The following IGF2BP3 variants were observed in gnomAD, a reference collection of about 807,000 sequenced individuals.
IGF2BP3 encodes insulin like growth factor 2 mRNA binding protein 3, also known as insulin-like growth factor 2 mRNA-binding protein 3.
In IGF2BP3, 9 loss-of-function variants were observed where a neutral mutation model predicts 73.8. The ratio of observed to expected loss-of-function variants is 0.12; its 90% CI spans 0.07 to 0.21. The LOEUF is 0.21. Among genes scored for constraint, IGF2BP3 ranks in the 10% least tolerant of loss-of-function variants. The probability of loss-of-function intolerance (pLI) is 1.00; values close to 1 mark genes in which losing one functional copy is unlikely to be tolerated. For synonymous variants in IGF2BP3, 258 were observed against 256.7 expected, an observed-to-expected ratio of 1.01 and a Z score of -0.05; for missense variants, 542 against 714.0, an observed-to-expected ratio of 0.76 and a Z score of 2.75.
At chr7:23,391,613 T>G (rs1338024499) in intron 3 of IGF2BP3, among the ~76,000 whole-genome samples, 1 of 152,208 alleles carries the variant, frequency 6.6e-6, no homozygotes, top group Non-Finnish European at 1.5e-5. Context: ...CTGGGACTTA[T>G]ATTACAATGA....
At position 23,361,565 on chromosome 7, in the gene IGF2BP3, C is replaced by T. The variant is rs1785229856; in HGVS notation, c.370G>A (p.Val124Ile). The change falls in exon 5 of 15, where the codon GTA (valine) becomes ATA (isoleucine). Residue 124 changes from valine (V) to isoleucine (I), a missense_variant. Transcript: ENST00000258729. ...NTDSETAVVN[V>I]TYSSKDQARQ... is the part of the protein sequence containing the mutation. ...GCTTGGTCCTTACTGGAATAGGTTA[C>T]ATTTACAACTGCAGTTTCCGAGTCA... 7 of 1,613,072 alleles carry T rather than the reference C, an allele frequency of 4.3e-6. No homozygotes were observed. The highest frequency in any genetic ancestry group is 1.8e-4 in the Middle Eastern group (1 of 5,458).
intron 3 of IGF2BP3, among the ~76,000 whole-genome samples, chr7:23,411,030 G>A (rs1217312234): frequency 6.6e-6 from 1 of 152,192 alleles, no homozygotes; most frequent in East Asian, 1.9e-4. Flanking sequence ...CGAGTGGCCT[G>A]CTCAAAGTCA....
At chr7:23,349,790 C>T (rs1784915961) in intron 6 of IGF2BP3, among the ~76,000 whole-genome samples, 1 of 152,180 alleles carries the variant, frequency 6.6e-6, no homozygotes, top group Non-Finnish European at 1.5e-5. Flanking sequence ...CAATTTAAGT[C>T]ACAGCTCTTT....
intron 10 of IGF2BP3, among the ~76,000 whole-genome samples, chr7:23,329,506 T>G (rs994120864): frequency 4.6e-5 from 7 of 152,238 alleles, no homozygotes; most frequent in Non-Finnish European, 1.0e-4. Context: ...GGCCTGAACA[T>G]TTAAAATTGG....
chr7:23,343,930 A>G, intron 8 of IGF2BP3, 77 bp from the exon 9 acceptor site: 3 of 1,442,360 alleles, frequency 2.1e-6, no homozygotes, highest in Non-Finnish European at 2.8e-6. Flanking sequence ...CACAGACGGC[A>G]ATTAAAAACA....
chr7:23,323,419 G>C (rs1384625676), intron 10 of IGF2BP3, among the ~76,000 whole-genome samples: 1 of 144,958 alleles, frequency 6.9e-6, no homozygotes, highest in Non-Finnish European at 1.5e-5. Context: ...GATTCATAAA[G>C]CAAGTCCTGA....
intron 10 of IGF2BP3, among the ~76,000 whole-genome samples, chr7:23,326,683 A>G (rs1784305790): frequency 6.9e-6 from 1 of 145,250 alleles, no homozygotes; most frequent in South Asian, 2.3e-4. Flanking sequence ...TCCAACAATG[A>G]TAGACTGGAT....
chr7:23,466,419 T>C (rs1788568228), intron 2 of IGF2BP3, among the ~76,000 whole-genome samples: 1 of 152,246 alleles, frequency 6.6e-6, no homozygotes, highest in South Asian at 2.1e-4. Flanking sequence ...GTTTACTTTG[T>C]TAGTAAGATA....
chr7:23,462,364 CTT>C (rs60416705), intron 2 of IGF2BP3, among the ~76,000 whole-genome samples: 76 of 143,194 alleles, frequency 5.3e-4, no homozygotes, highest in Admixed American at 9.1e-4. Flanking sequence ...AAGAATATTT[CTT>C]TTTTTTTTTT....
chr7:23,362,269 AAG>A (rs1335502498), intron 3 of IGF2BP3, among the ~76,000 whole-genome samples: 1 of 150,338 alleles, frequency 6.7e-6, no homozygotes, highest in Non-Finnish European at 1.5e-5. Flanking sequence ...GTAAAATAAA[AAG>A]AGAAAAAAAA....
At chr7:23,394,095 T>C (rs1786372119) in intron 3 of IGF2BP3, among the ~76,000 whole-genome samples, 1 of 152,118 alleles carries the variant, frequency 6.6e-6, no homozygotes, top group Admixed American at 6.5e-5. Context: ...GTGTTATAGG[T>C]TTCTAAAGGT....
intron 9 of IGF2BP3, among the ~76,000 whole-genome samples, chr7:23,342,407 G>C (rs978377959): frequency 1.3e-5 from 2 of 152,052 alleles, no homozygotes; most frequent in Admixed American, 1.3e-4. Context: ...CCCCCTCCTT[G>C]GTCCACAGCT....
chr7:23,351,464 C>G lies in IGF2BP3; in HGVS notation c.524G>C (p.Gly175Ala), dbSNP rs1254861488. 12 of 1,613,604 alleles carry G rather than the reference C, an allele frequency of 7.4e-6. No individual in the cohort carries two copies. The highest frequency in any genetic ancestry group is 1.0e-5 in the Non-Finnish European group (12 of 1,179,850). Residue 175 changes from glycine (G) to alanine (A), a missense_variant, in exon 6 of 15, where the codon GGG becomes GCG. By Grantham distance (60) the Gly-to-Ala change is moderately conservative. Around this residue, in one of 2 missense-constraint regions of IGF2BP3, gnomAD observed 239 missense variants for 241.9 expected, o/e 0.99. Coordinates refer to ENST00000258729, the MANE Select transcript of IGF2BP3 (RefSeq NM_006547.3). ...CCCCTGCCTTGAGGAGCCCCTCTGC[C>G]CAAGCCCCCGGCGACCTCGGGGCTG... is the stretch of plus-strand genomic sequence containing the variant. ...LQQPRGRRGL[G>A]QRGSSRQGSP...
rs982316872 is a variant in IGF2BP3 at position 23,310,304 on chromosome 7, T to C, written c.*2058A>G. ...TTATACATGAGGAATGATCCATATATGGTGAGTACAAAACTCAATTATAGA... is the reference window on the plus strand; with the variant it reads ...TTATACATGAGGAATGATCCATATACGGTGAGTACAAAACTCAATTATAGA... On this transcript the variant is annotated 3_prime_UTR_variant, in exon 15 of 15. Coordinates refer to ENST00000258729, the MANE Select transcript of IGF2BP3 (RefSeq NM_006547.3). The C allele has an allele frequency of 1.3e-5, 2 of 152,232 alleles. No homozygotes were observed. Among genetic ancestry groups the C allele is most frequent in the Non-Finnish European group, 2.9e-5 (2 of 68,036 alleles). 9.4% of individuals were successfully genotyped at this position (152,232 alleles called of 1,614,324 possible). A position where few individuals can be genotyped will look rare whatever the true frequency, so the allele number is the denominator to read the frequency against.
At chr7:23,438,521 A>G (rs1164694554) in intron 2 of IGF2BP3, among the ~76,000 whole-genome samples, 7 of 138,666 alleles carry the variant, frequency 5.0e-5, no homozygotes, top group East Asian at 1.9e-4. Context: ...AATGAGACAA[A>G]TAAGTACACT....
intron 2 of IGF2BP3, among the ~76,000 whole-genome samples, chr7:23,438,833 T>C (rs537543014): frequency 1.3e-5 from 2 of 152,252 alleles, no homozygotes; most frequent in Admixed American, 6.5e-5. Flanking sequence ...GTAGCAATAA[T>C]GTAAAATCTA....
chr7:23,350,448 G>A (rs569107360), intron 6 of IGF2BP3, among the ~76,000 whole-genome samples: 69 of 152,288 alleles, frequency 4.5e-4, no homozygotes, highest in African/African-American at 1.4e-3. Flanking sequence ...GATGTGCCTC[G>A]TAGCACGTTA....
intron 3 of IGF2BP3, among the ~76,000 whole-genome samples, chr7:23,395,894 C>A (rs1786441861): frequency 6.6e-6 from 1 of 152,012 alleles, no homozygotes; most frequent in Non-Finnish European, 1.5e-5. Flanking sequence ...TCACTGCACT[C>A]CAGCCTGGGC....
Position 23,403,973 on chromosome 7 carries a change from A to T in IGF2BP3, c.285+14803T>A, listed in dbSNP as rs561093871. 3.5e-3 allele frequency among the ~76,000 whole-genome samples: 515 copies of T among 146,900 alleles called. 1 individual carries two copies. Among genetic ancestry groups the T allele is most frequent in the African/African-American group, 6.5e-3 (262 of 40,160 alleles). ...CCCTGTTTGTAAAACAAAAAAAAAA[A>T]TTTTTTTTTTTTTAAATTAATGGGG... On this transcript the variant is annotated intron_variant, in intron 3 of 14. Transcript: ENST00000258729.
Sources: allele counts gnomAD v4.1 joint callset (sites outside exome capture counted in the v4.1 genomes callset), GRCh38; gene constraint gnomAD v4.1.1; regional missense constraint gnomAD v4.1.1; transcripts MANE v1.5; gene names NCBI Gene and HGNC (gene_info 2026-07-23, HGNC 2026-07-21).